The following CSNK2A2IP variants were observed in gnomAD, a reference collection of about 807,000 sequenced individuals.
The protein encoded by CSNK2A2IP is casein kinase 2 subunit alpha' interacting protein, also known as casein kinase II subunit alpha'-interacting protein.
the CSNK2A2IP span, among the ~76,000 whole-genome samples, chr3:88,383,094 C>T: frequency 6.8e-6 from 1 of 147,020 alleles, no homozygotes; most frequent in South Asian, 2.1e-4. Context: ...CTTCCCTCTA[C>T]TTATTTTTTT....
At chr3:88,390,990 A>G in the CSNK2A2IP span, among the ~76,000 whole-genome samples, 3 of 152,230 alleles carry the variant, frequency 2.0e-5, no homozygotes, top group Non-Finnish European at 4.4e-5. Context: ...TTCTAGAATC[A>G]AACTTCCCTG....
chr3:88,379,290 G>A, the CSNK2A2IP span, among the ~76,000 whole-genome samples: 2 of 152,112 alleles, frequency 1.3e-5, no homozygotes, highest in East Asian at 1.9e-4. Flanking sequence ...GCTGGTTTCA[G>A]AATAAACGCC....
At chr3:88,355,425 C>T in the CSNK2A2IP span, among the ~76,000 whole-genome samples, 30 of 152,102 alleles carry the variant, frequency 2.0e-4, no homozygotes, top group African/African-American at 6.7e-4. Flanking sequence ...CTTTTGGCCA[C>T]ATATGTATCC....
At chr3:88,375,661 G>A in the CSNK2A2IP span, among the ~76,000 whole-genome samples, 1 of 151,744 alleles carries the variant, frequency 6.6e-6, no homozygotes, top group Non-Finnish European at 1.5e-5. Flanking sequence ...ACAGCAAACA[G>A]TGGGGAAAGG....
At chr3:88,401,725 C>T in the CSNK2A2IP span, among the ~76,000 whole-genome samples, 1 of 151,846 alleles carries the variant, frequency 6.6e-6, no homozygotes, top group African/African-American at 2.4e-5. Context: ...ATAATCTTTG[C>T]CATGTCTTAA....
chr3:88,398,241 AC>A, the CSNK2A2IP span, among the ~76,000 whole-genome samples: 2 of 152,126 alleles, frequency 1.3e-5, no homozygotes, highest in African/African-American at 4.8e-5. Context: ...CCATTGTTGA[AC>A]CCATTGAACA....
the CSNK2A2IP span, among the ~76,000 whole-genome samples, chr3:88,362,054 C>T: frequency 1.9e-4 from 29 of 152,158 alleles, no homozygotes; most frequent in African/African-American, 6.7e-4. Context: ...TTTTAAATTT[C>T]TTATCTGAGA....
At chr3:88,405,030 G>T in the CSNK2A2IP span, among the ~76,000 whole-genome samples, 1 of 152,100 alleles carries the variant, frequency 6.6e-6, no homozygotes, top group Non-Finnish European at 1.5e-5. Context: ...TTCAACAAGA[G>T]TCCTGCTAGG....
chr3:88,356,662 G>A, the CSNK2A2IP span, among the ~76,000 whole-genome samples: 3 of 151,972 alleles, frequency 2.0e-5, no homozygotes, highest in Non-Finnish European at 4.4e-5. Flanking sequence ...CTTTTTTGAG[G>A]AGCCTCCATA....
chr3:88,363,797 A>C, the CSNK2A2IP span, among the ~76,000 whole-genome samples: 1 of 152,152 alleles, frequency 6.6e-6, no homozygotes. Flanking sequence ...CACTGATGCA[A>C]GACCTTTCTG....
At chr3:88,422,989 G>A in the CSNK2A2IP span, among the ~76,000 whole-genome samples, 1 of 152,104 alleles carries the variant, frequency 6.6e-6, no homozygotes, top group Admixed American at 6.6e-5. Context: ...AACTTTTGAG[G>A]TAACCTATTT....
chr3:88,432,165 CTGAA>C, the CSNK2A2IP span, among the ~76,000 whole-genome samples: 1 of 151,650 alleles, frequency 6.6e-6, no homozygotes, highest in Non-Finnish European at 1.5e-5. Flanking sequence ...TGCTCATTTA[CTGAA>C]TGAATAATTA....
the CSNK2A2IP span, among the ~76,000 whole-genome samples, chr3:88,455,685 T>C: frequency 6.6e-6 from 1 of 151,986 alleles, no homozygotes; most frequent in African/African-American, 2.4e-5. Context: ...TCCTTTGTTA[T>C]GCAAGAATTT....
At chr3:88,443,949 A>C in the CSNK2A2IP span, among the ~76,000 whole-genome samples, 4 of 152,136 alleles carry the variant, frequency 2.6e-5, no homozygotes, top group African/African-American at 7.2e-5. Flanking sequence ...TGTGATACAA[A>C]GATCTAAGTA....
the CSNK2A2IP span, chr3:88,399,488 T>C: frequency 6.6e-6 from 1 of 152,234 alleles, no homozygotes; most frequent in South Asian, 2.1e-4. Context: ...AGTTTAACTT[T>C]TATGTCAATC....
chr3:88,414,517 A>G, the CSNK2A2IP span, among the ~76,000 whole-genome samples: 18 of 151,778 alleles, frequency 1.2e-4, no homozygotes, highest in South Asian at 3.5e-3. Flanking sequence ...TCCTGACCTC[A>G]TGATCCACCT....
At chr3:88,343,063 T>C in the CSNK2A2IP span, 1 of 151,984 alleles carries the variant, frequency 6.6e-6, no homozygotes, top group Admixed American at 6.6e-5. Flanking sequence ...CGTATATGGT[T>C]ACATTTACGC....
the CSNK2A2IP span, among the ~76,000 whole-genome samples, chr3:88,385,071 G>A: frequency 6.6e-6 from 1 of 152,114 alleles, no homozygotes; most frequent in Non-Finnish European, 1.5e-5. Context: ...TGGAGATGAA[G>A]ATTTGGAAAT....
At chr3:88,388,009 A>G in the CSNK2A2IP span, among the ~76,000 whole-genome samples, 1 of 152,140 alleles carries the variant, frequency 6.6e-6, no homozygotes, top group African/African-American at 2.4e-5. Flanking sequence ...AATAAACATT[A>G]TTATAATCCT....
Sources: gnomAD v4.1 joint callset for allele counts (sites outside exome capture counted in the v4.1 genomes callset) on GRCh38, gnomAD v4.1.1 for gene constraint, MANE v1.5 for transcripts, NCBI Gene and HGNC (gene_info 2026-07-23, HGNC 2026-07-21) for gene names.